Variants in NEK10 observed in about 807,000 individuals in gnomAD.
NEK10 encodes the protein NIMA related kinase 10.
A neutral mutation model predicts 159.8 loss-of-function variants in NEK10; 122 were observed. The observed-to-expected ratio is 0.76, with a 90% confidence interval of 0.66 to 0.89. The LOEUF (loss-of-function observed/expected upper bound fraction) is 0.89, where lower values mean the gene tolerates loss of function less well. Ranked by LOEUF, NEK10 falls within the 40% of genes least tolerant of loss-of-function variation. The pLI is 0.00. For missense variants in NEK10, 1,342 were observed against 1,323.1 expected (o/e 1.01, Z -0.22); for synonymous variants, 466 against 457.1 (o/e 1.02, Z -0.25).
chr3:27,300,354 C>G (rs1009090457), intron 13 of NEK10, among the ~76,000 whole-genome samples: 2 of 152,116 alleles, frequency 1.3e-5, no homozygotes, highest in African/African-American at 4.8e-5. Context: ...TAAGATGTGA[C>G]TTGCTTCTCC....
intron 5 of NEK10, among the ~76,000 whole-genome samples, chr3:27,328,551 G>T (rs2046177651): frequency 6.6e-6 from 1 of 152,194 alleles, no homozygotes; most frequent in Non-Finnish European, 1.5e-5. Flanking sequence ...TGGGGCTGGA[G>T]CAGAGTGAGC....
At position 27,138,095 on chromosome 3, in the gene NEK10, G is replaced by A. The variant is rs546691831; in HGVS notation, c.2970+3387C>T. ...TTCCTGGCTCCAGTGATGCTCCTGC[G>A]TTGCCTTGCTGCGGCAGCTCATAGC... is the stretch of plus-strand genomic sequence containing the variant. On this transcript the variant is annotated intron_variant, in intron 31 of 35. Transcript: ENST00000691995. Among the ~76,000 whole-genome samples the A allele has an allele frequency of 1.4e-4, 22 of 152,310 alleles. No individual in the cohort carries two copies. In the East Asian group the frequency reaches 1.9e-3, roughly 13 times the overall value.
At chr3:27,183,897 T>C (rs778161282) in intron 26 of NEK10, among the ~76,000 whole-genome samples, 3 of 152,130 alleles carry the variant, frequency 2.0e-5, no homozygotes, top group Non-Finnish European at 4.4e-5. Context: ...GAAGTATCAT[T>C]ACACCTCAAA....
intron 30 of NEK10, among the ~76,000 whole-genome samples, chr3:27,160,131 T>C (rs1354737253): frequency 6.6e-6 from 1 of 152,082 alleles, no homozygotes; most frequent in Admixed American, 6.6e-5. Flanking sequence ...AAAAAATAAA[T>C]CATTCACAAA....
chr3:27,280,095 G>GAAAAAAAA (rs1203824501), intron 22 of NEK10, among the ~76,000 whole-genome samples: 1 of 69,462 alleles, frequency 1.4e-5, no homozygotes, highest in Non-Finnish European at 2.8e-5. Flanking sequence ...CCCTAAAATG[G>GAAAAAAAA]AAAAAAAAAA....
At chr3:27,270,529 C>A (rs1199552263) in intron 22 of NEK10, among the ~76,000 whole-genome samples, 3 of 152,096 alleles carry the variant, frequency 2.0e-5, no homozygotes, top group Non-Finnish European at 2.9e-5. Context: ...TTTTAACCCT[C>A]CAAATTTCTG....
intron 23 of NEK10, among the ~76,000 whole-genome samples, chr3:27,209,092 A>G (rs570476445): frequency 2.0e-4 from 30 of 146,576 alleles, no homozygotes; most frequent in Non-Finnish European, 4.0e-4. Context: ...TCCAGCATTG[A>G]CAGCTTTATC....
At chr3:27,135,058 C>A (rs916425758) in intron 31 of NEK10, among the ~76,000 whole-genome samples, 1 of 152,154 alleles carries the variant, frequency 6.6e-6, no homozygotes, top group African/African-American at 2.4e-5. Context: ...CGTCTTCTAG[C>A]ACAGCCATTA....
At chr3:27,117,031 T>C (rs1221292461) in intron 33 of NEK10, among the ~76,000 whole-genome samples, 1 of 152,142 alleles carries the variant, frequency 6.6e-6, no homozygotes, top group Non-Finnish European at 1.5e-5. Context: ...TCTGTGTCCA[T>C]GTGTTCTCAT....
At chr3:27,212,851 T>G (rs1951131629) in intron 23 of NEK10, among the ~76,000 whole-genome samples, 1 of 152,144 alleles carries the variant, frequency 6.6e-6, no homozygotes, top group Non-Finnish European at 1.5e-5. Context: ...GTAATTTCCC[T>G]CAAACTAGAG....
At chr3:27,245,510 TC>T (rs1954967017) in intron 23 of NEK10, among the ~76,000 whole-genome samples, 1 of 152,070 alleles carries the variant, frequency 6.6e-6, no homozygotes, top group Non-Finnish European at 1.5e-5. Context: ...CTGAAAAAGA[TC>T]CAAGGGACTC....
At chr3:27,141,865 A>C (rs1171848148) in intron 30 of NEK10, among the ~76,000 whole-genome samples, 3 of 152,214 alleles carry the variant, frequency 2.0e-5, no homozygotes, top group Non-Finnish European at 4.4e-5. Flanking sequence ...GCAGGCTGCC[A>C]TCAGGAGTCA....
At chr3:27,188,489 T>C (rs1268013834) in intron 26 of NEK10, among the ~76,000 whole-genome samples, 2 of 152,250 alleles carry the variant, frequency 1.3e-5, no homozygotes, top group Non-Finnish European at 2.9e-5. Flanking sequence ...CTGTTATAGA[T>C]GTGAAAGCAG....
intron 32 of NEK10, among the ~76,000 whole-genome samples, chr3:27,120,262 C>A (rs192770331): frequency 6.5e-4 from 99 of 151,596 alleles, no homozygotes; most frequent in Admixed American, 6.5e-3. Context: ...ATTTTTTTTT[C>A]ATGTATCTGC....
At chr3:27,355,648 C>A (rs1453850775) in intron 1 of NEK10, among the ~76,000 whole-genome samples, 2 of 152,124 alleles carry the variant, frequency 1.3e-5, no homozygotes, top group Non-Finnish European at 2.9e-5. Flanking sequence ...ACTGCCACAA[C>A]CCCCTCAAGA....
chr3:27,307,817 T>C (rs1461891158), intron 11 of NEK10, 42 bp downstream of exon 11: 1 of 895,346 alleles, frequency 1.1e-6, no homozygotes, highest in Non-Finnish European at 1.9e-6. Context: ...ATCTGTCAAA[T>C]AAAGGCACTG....
At chr3:27,286,066 GCCATTT>G (rs563773937) in intron 20 of NEK10, among the ~76,000 whole-genome samples, 2 of 136,426 alleles carry the variant, frequency 1.5e-5, no homozygotes, top group South Asian at 4.6e-4. Flanking sequence ...GTATTTTTAA[GCCATTT>G]CCAATTCTTT....
chr3:27,319,579 G>A (rs2045468566), intron 6 of NEK10, among the ~76,000 whole-genome samples: 1 of 152,178 alleles, frequency 6.6e-6, no homozygotes, highest in Non-Finnish European at 1.5e-5. Context: ...TCAGGAGACA[G>A]CCTGACCTTT....
intron 22 of NEK10, among the ~76,000 whole-genome samples, chr3:27,267,507 T>C (rs550600176): frequency 5.5e-4 from 84 of 152,362 alleles, no homozygotes; most frequent in South Asian, 1.2e-3. Context: ...TTGGTAATTC[T>C]CATAATATTT....
Sources: allele counts gnomAD v4.1 joint callset (sites outside exome capture counted in the v4.1 genomes callset), GRCh38; gene constraint gnomAD v4.1.1; transcripts MANE v1.5; gene names NCBI Gene and HGNC (gene_info 2026-07-23, HGNC 2026-07-21).